Variants in FGF8 observed in about 807,000 individuals in gnomAD.
The protein encoded by FGF8 is androgen-induced growth factor.
In FGF8, 12 loss-of-function variants were observed where a neutral mutation model predicts 29.7. The ratio of observed to expected loss-of-function variants is 0.40; its 90% CI spans 0.26 to 0.65. The LOEUF (loss-of-function observed/expected upper bound fraction) is 0.65. Among genes scored for constraint, FGF8 ranks in the 30% least tolerant of loss-of-function variants. The pLI is 0.37. For missense variants in FGF8, 271 were observed against 345.1 expected (o/e 0.79, Z 1.70); for synonymous variants, 157 against 144.4 (o/e 1.09, Z -0.63).
At position 101,775,848 on chromosome 10, in the gene FGF8, G is replaced by GGGGGGGGGGGGGGGGGGGGGGC; in HGVS notation, c.32+20_32+21insGCCCCCCCCCCCCCCCCCCCCC. The GGGGGGGGGGGGGGGGGGGGGGC allele has an allele frequency of 8.2e-7, 1 of 1,218,742 alleles. No individual in the cohort carries two copies. Among genetic ancestry groups the GGGGGGGGGGGGGGGGGGGGGGC allele is most frequent in the Non-Finnish European group, 1.1e-6 (1 of 872,016 alleles). The allele number at this position is 1,218,742 out of a possible 1,614,324, so 75.5% of individuals were successfully genotyped here. On this transcript the variant is annotated intron_variant, in intron 1 of 5. Coordinates refer to ENST00000320185, the MANE Select transcript of FGF8 (RefSeq NM_033163.5). This position sits in a 1 kb window ranked among gnomAD's most constrained non-coding sequence, Gnocchi z 4.6. ...AGGGGCGCGGGGGGCGGGTGGCGGGGCAGGGCGGCGCGGTACTCACAGGCA... is the reference window on the plus strand; with the variant it reads ...AGGGGCGCGGGGGGCGGGTGGCGGGGGGGGGGGGGGGGGGGGGGGGGCCAGGGCGGCGCGGTACTCACAGGCA...
At position 101,775,785 on chromosome 10, in the gene FGF8, G is replaced by A; in HGVS notation, c.33-9C>T. ...CCAGCAAGTGCAACAGCCTGTGGGAGACAAAAGCGGGCGGGAGAGAGAGGC... is the reference window on the plus strand; with the variant it reads ...CCAGCAAGTGCAACAGCCTGTGGGAAACAAAAGCGGGCGGGAGAGAGAGGC... On this transcript the variant is annotated splice_polypyrimidine_tract_variant and intron_variant, in intron 1 of 5. Transcript: ENST00000320185. The surrounding 1 kb of genome is among the most constrained non-coding windows in gnomAD (Gnocchi z 4.6). The A allele has an allele frequency of 6.5e-7, 1 of 1,542,970 alleles. No individual in the cohort carries two copies. Among genetic ancestry groups the A allele is most frequent in the Non-Finnish European group, 8.7e-7 (1 of 1,144,994 alleles).
At position 101,775,839 on chromosome 10, in the gene FGF8, G is replaced by C; in HGVS notation, c.32+30C>G. Reference sequence around the variant, plus strand: ...GGTGAGGCGAGGGGCGCGGGGGGCGGGTGGCGGGGCAGGGCGGCGCGGTAC... The same window carrying C: ...GGTGAGGCGAGGGGCGCGGGGGGCGCGTGGCGGGGCAGGGCGGCGCGGTAC... On this transcript the variant is annotated intron_variant, in intron 1 of 5. Coordinates refer to ENST00000320185, the MANE Select transcript of FGF8 (RefSeq NM_033163.5). This position sits in a 1 kb window ranked among gnomAD's most constrained non-coding sequence, Gnocchi z 4.6. 6.6e-7 allele frequency: 1 copy of C among 1,516,578 alleles called. No homozygotes were observed. The highest frequency in any genetic ancestry group is 8.8e-7 in the Non-Finnish European group (1 of 1,135,802). The allele number at this position is 1,516,578 out of a possible 1,614,324, so 93.9% of individuals were successfully genotyped here.
chr10:101,775,404 C>G lies in FGF8; in HGVS notation c.70-188G>C. On this transcript the variant is annotated intron_variant, in intron 2 of 5. Coordinates refer to ENST00000320185, the MANE Select transcript of FGF8 (RefSeq NM_033163.5). This position sits in a 1 kb window ranked among gnomAD's most constrained non-coding sequence, Gnocchi z 4.6. ...CTCTGCTGCAGTCACCCGGCTTCCCCTGGCATCGAACATCCATCCCCTGGC... is the reference window on the plus strand; with the variant it reads ...CTCTGCTGCAGTCACCCGGCTTCCCGTGGCATCGAACATCCATCCCCTGGC... 1.6e-6 allele frequency: 1 copy of G among 609,286 alleles called. No homozygotes were observed. The highest frequency in any genetic ancestry group is 2.9e-6 in the Non-Finnish European group (1 of 342,368). The allele number at this position is 609,286 out of a possible 1,614,324, so 37.7% of individuals were successfully genotyped here.
In FGF8 at chr10:101,774,861, G is replaced by A; in HGVS notation, c.208C>T (p.Leu70=). The A allele has an allele frequency of 6.2e-7, 1 of 1,614,072 alleles. No homozygotes were observed. Reference sequence around the variant, plus strand: ...CGGCGGCTGAGCTGATCCGTCACCAGGCTCTGCTCCCTCACATGCTGTGTA... The same window carrying A: ...CGGCGGCTGAGCTGATCCGTCACCAAGCTCTGCTCCCTCACATGCTGTGTA... The part of the protein sequence containing the change: ...NFTQHVREQS[L]VTDQLSRRLI... The change falls in exon 4 of 6, where the codon CTG becomes TTG. Residue 70 remains leucine (L), a synonymous_variant. Transcript: ENST00000320185.
At chr10:101,777,840 C>T (rs1195778599), upstream of FGF8, among the ~76,000 whole-genome samples, 1 of 152,260 alleles carries the variant, frequency 6.6e-6, no homozygotes, top group Non-Finnish European at 1.5e-5. Context: ...CCAGGAAGAC[C>T]TGCCTTCACC....
chr10:101,774,646 G>A, intron 4 of FGF8, 86 bp downstream of exon 4: 1 of 1,164,270 alleles, frequency 8.6e-7, no homozygotes, highest in Admixed American at 1.7e-5. Flanking sequence ...TTCTGAGCTG[G>A]GGACCCTGCA....
At chr10:101,778,027 C>T (rs1271225883), upstream of FGF8, among the ~76,000 whole-genome samples, 1 of 152,254 alleles carries the variant, frequency 6.6e-6, no homozygotes, top group Non-Finnish European at 1.5e-5. Flanking sequence ...TCCCTGTGTT[C>T]TGTGTAAGGC....
At chr10:101,773,964 C>T (rs2065055905) in intron 4 of FGF8, among the ~76,000 whole-genome samples, 1 of 152,092 alleles carries the variant, frequency 6.6e-6, no homozygotes, top group Non-Finnish European at 1.5e-5. Context: ...TAGAGTCTTC[C>T]CCTCTCCTTT....
At position 101,772,961 on chromosome 10, in the gene FGF8, G is replaced by A. The variant is rs2065044007; in HGVS notation, c.338-1392C>T. Among the ~76,000 whole-genome samples the A allele has an allele frequency of 6.6e-6, 1 of 152,248 alleles. No individual in the cohort carries two copies. The highest frequency in any genetic ancestry group is 2.1e-4 in the South Asian group (1 of 4,836). On this transcript the variant is annotated intron_variant, in intron 4 of 5. Transcript: ENST00000320185. This position sits in a 1 kb window ranked among gnomAD's most constrained non-coding sequence, Gnocchi z 4.4. ...GCCAGGAAGGATGCTGACTGGAGGA[G>A]TGAGAGGATGCCACTCTGGGGATTC...
rs1346653915 is a variant in FGF8 at position 101,770,277 on chromosome 10, T to C, written c.*52A>G. On this transcript the variant is annotated 3_prime_UTR_variant, in exon 6 of 6. Coordinates refer to ENST00000320185, the MANE Select transcript of FGF8 (RefSeq NM_033163.5). ...CATCTTGCTTGAGTTTTGGGTGCCCTACAGGATGAGCCTCTCTGCGGTCTG... is the reference window on the plus strand; with the variant it reads ...CATCTTGCTTGAGTTTTGGGTGCCCCACAGGATGAGCCTCTCTGCGGTCTG... 2 of 1,515,292 alleles carry C rather than the reference T, an allele frequency of 1.3e-6. No homozygotes were observed. The highest frequency in any genetic ancestry group is 1.8e-6 in the Non-Finnish European group (2 of 1,124,678). The allele number at this position is 1,515,292 out of a possible 1,614,324, so 93.9% of individuals were successfully genotyped here.
In FGF8 at chr10:101,771,738, TG is replaced by T. The variant is rs1177583234; in HGVS notation, c.338-170del. On this transcript the variant is annotated intron_variant, in intron 4 of 5. Coordinates refer to ENST00000320185, the MANE Select transcript of FGF8 (RefSeq NM_033163.5). The surrounding 1 kb of genome is among the most constrained non-coding windows in gnomAD (Gnocchi z 5.3). ...GTGCAACCCAGAGAAAGGGCTTTTC[TG>T]GACCTCGGGCCCCACCCCTGGGTTT... is the stretch of plus-strand genomic sequence containing the variant. Among the ~76,000 whole-genome samples, 1 of 152,204 alleles carries T rather than the reference TG, an allele frequency of 6.6e-6. No homozygotes were observed. The highest frequency in any genetic ancestry group is 1.5e-5 in the Non-Finnish European group (1 of 68,032).
intron 4 of FGF8, 129 bp downstream of exon 4, chr10:101,774,603 C>G: frequency 2.6e-6 from 2 of 772,758 alleles, no homozygotes; most frequent in Non-Finnish European, 4.2e-6. Flanking sequence ...CCCAGCTGAC[C>G]CTCAAGACAC....
rs1417979820 is a variant in FGF8 at position 101,775,663 on chromosome 10, G to T, written c.69+77C>A. The T allele has an allele frequency of 2.0e-6, 3 of 1,495,052 alleles. No individual in the cohort carries two copies. The highest frequency in any genetic ancestry group is 1.4e-5 in the African/African-American group (1 of 71,658). 92.6% of individuals were successfully genotyped at this position (1,495,052 alleles called of 1,614,324 possible). On this transcript the variant is annotated intron_variant, in intron 2 of 5. Coordinates refer to ENST00000320185, the MANE Select transcript of FGF8 (RefSeq NM_033163.5). This position sits in a 1 kb window ranked among gnomAD's most constrained non-coding sequence, Gnocchi z 4.6. ...CCGCGCCGGCCGCAGAGTCAGTCCC[G>T]GTGCCCCCGACCGGCGCTGCCCACC...
chr10:101,775,255 TC>T lies in FGF8; in HGVS notation c.70-40del, dbSNP rs2065074044. On this transcript the variant is annotated intron_variant, in intron 2 of 5. Transcript: ENST00000320185. The surrounding 1 kb of genome is among the most constrained non-coding windows in gnomAD (Gnocchi z 4.6). ...GCGCTTTTAAGTAGGGAGGCAGCCC[TC>T]CCCGACCCCTGACATTTATAAAGAC... 2 of 1,353,666 alleles carry T rather than the reference TC, an allele frequency of 1.5e-6. No individual in the cohort carries two copies. The highest frequency in any genetic ancestry group is 1.0e-6 in the Non-Finnish European group (1 of 972,648). 83.9% of individuals were successfully genotyped at this position (1,353,666 alleles called of 1,614,324 possible).
Position 101,775,837 on chromosome 10 carries a change from C to CGGGGGGGGGGG in FGF8, c.32+31_32+32insCCCCCCCCCCC. The CGGGGGGGGGGG allele has an allele frequency of 2.1e-6, 2 of 967,844 alleles. No individual in the cohort carries two copies. The highest frequency in any genetic ancestry group is 2.9e-5 in the Admixed American group (1 of 33,996). 60.0% of individuals were successfully genotyped at this position (967,844 alleles called of 1,614,324 possible). A position where few individuals can be genotyped will look rare whatever the true frequency, so the allele number is the denominator to read the frequency against. Reference sequence around the variant, plus strand: ...CGGGTGAGGCGAGGGGCGCGGGGGGCGGGTGGCGGGGCAGGGCGGCGCGGT... The same window carrying CGGGGGGGGGGG: ...CGGGTGAGGCGAGGGGCGCGGGGGGCGGGGGGGGGGGGGGTGGCGGGGCAGGGCGGCGCGGT... On this transcript the variant is annotated intron_variant, in intron 1 of 5. Coordinates refer to ENST00000320185, the MANE Select transcript of FGF8 (RefSeq NM_033163.5). The surrounding 1 kb of genome is among the most constrained non-coding windows in gnomAD (Gnocchi z 4.6).
intron 4 of FGF8, 128 bp downstream of exon 4, chr10:101,774,604 C>A: frequency 1.3e-6 from 1 of 790,578 alleles, no homozygotes; most frequent in East Asian, 2.6e-5. Context: ...CCAGCTGACC[C>A]TCAAGACACC....
Position 101,775,799 on chromosome 10 carries a change from GGA to G in FGF8, c.33-25_33-24del. On this transcript the variant is annotated intron_variant, in intron 1 of 5. Coordinates refer to ENST00000320185, the MANE Select transcript of FGF8 (RefSeq NM_033163.5). This position sits in a 1 kb window ranked among gnomAD's most constrained non-coding sequence, Gnocchi z 4.6. ...AGCCTGTGGGAGACAAAAGCGGGCG[GGA>G]GAGAGAGGCGCGGGTGAGGCGAGGG... 6 of 1,540,498 alleles carry G rather than the reference GGA, an allele frequency of 3.9e-6. No homozygotes were observed. Among genetic ancestry groups the G allele is most frequent in the Non-Finnish European group, 4.4e-6 (5 of 1,144,166 alleles).
chr10:101,771,318 C>A lies in FGF8; in HGVS notation c.444+145G>T. The A allele has an allele frequency of 1.4e-6, 1 of 692,590 alleles. No individual in the cohort carries two copies. Among genetic ancestry groups the A allele is most frequent in the Non-Finnish European group, 2.6e-6 (1 of 378,290 alleles). 42.9% of individuals were successfully genotyped at this position (692,590 alleles called of 1,614,324 possible). On this transcript the variant is annotated intron_variant, in intron 5 of 5. Coordinates refer to ENST00000320185, the MANE Select transcript of FGF8 (RefSeq NM_033163.5). This position sits in a 1 kb window ranked among gnomAD's most constrained non-coding sequence, Gnocchi z 5.3. ...AGCTTCCTTCTCCCTCACTCCTGCA[C>A]CCAATCGTGAGGTAACCCCAAGATG...
At chr10:101,770,887 C>G (rs1317964441) in intron 5 of FGF8, among the ~76,000 whole-genome samples, 1 of 151,694 alleles carries the variant, frequency 6.6e-6, no homozygotes, top group Non-Finnish European at 1.5e-5. Context: ...GGGCCCAGAG[C>G]CTGGCCTGCT....
Sources: allele counts gnomAD v4.1 joint callset (sites outside exome capture counted in the v4.1 genomes callset), GRCh38; gene constraint gnomAD v4.1.1; non-coding constraint Gnocchi (gnomAD v3.1); transcripts MANE v1.5; gene names NCBI Gene and HGNC (gene_info 2026-07-23, HGNC 2026-07-21).